The following RTKN2 variants were observed in gnomAD, a reference collection of about 807,000 sequenced individuals.
RTKN2 encodes the protein rhotekin-2.
Under a neutral mutation model 71.5 loss-of-function variants are expected in RTKN2, and 69 were observed. That is an observed-to-expected ratio of 0.96 (90% CI 0.79 to 1.18). The LOEUF (loss-of-function observed/expected upper bound fraction) is 1.18. Among genes scored for constraint, RTKN2 ranks in the 50% most tolerant of loss-of-function variants. The pLI is 0.00. For synonymous variants in RTKN2, 236 were observed against 236.5 expected (o/e 1.00, Z 0.02); for missense variants, 724 against 719.7 (o/e 1.01, Z -0.07).
intron 8 of RTKN2, among the ~76,000 whole-genome samples, chr10:62,217,900 C>A (rs984331620): frequency 6.6e-6 from 1 of 152,146 alleles, no homozygotes; most frequent in African/African-American, 2.4e-5. Flanking sequence ...GAGCAGCCCT[C>A]ATCAGTTTCC....
At chr10:62,204,765 T>C in intron 10 of RTKN2, 92 bp downstream of exon 10, 1 of 992,234 alleles carries the variant, frequency 1.0e-6, no homozygotes, top group Non-Finnish European at 1.4e-6. Flanking sequence ...AAATTTTTGC[T>C]ACAAACTCTA....
At chr10:62,212,531 T>C (rs538880506) in intron 9 of RTKN2, among the ~76,000 whole-genome samples, 9 of 151,958 alleles carry the variant, frequency 5.9e-5, no homozygotes, top group African/African-American at 2.2e-4. Context: ...GGTGAAACCC[T>C]GTCTCTACAA....
chr10:62,205,732 T>TA (rs1841536869), intron 9 of RTKN2, among the ~76,000 whole-genome samples: 1 of 152,202 alleles, frequency 6.6e-6, no homozygotes, highest in Non-Finnish European at 1.5e-5. Context: ...ACTAGAATGC[T>TA]ATTATGATGA....
intron 6 of RTKN2, among the ~76,000 whole-genome samples, chr10:62,228,187 G>A (rs1175715683): frequency 6.6e-6 from 1 of 152,130 alleles, no homozygotes; most frequent in Non-Finnish European, 1.5e-5. Flanking sequence ...TTAGTTAGGT[G>A]AAGTCCAAGG....
At chr10:62,190,829 T>C (rs1433125389), downstream of RTKN2, among the ~76,000 whole-genome samples, 2 of 152,172 alleles carry the variant, frequency 1.3e-5, no homozygotes, top group South Asian at 2.1e-4. Flanking sequence ...AGGTCCTTTA[T>C]GTGGTCCAGC....
chr10:62,205,131 T>A, intron 9 of RTKN2, 109 bp from the exon 10 acceptor site: 1 of 793,572 alleles, frequency 1.3e-6, no homozygotes, highest in South Asian at 1.9e-5. Context: ...AACCATAATC[T>A]TATTGCTGAT....
intron 2 of RTKN2, among the ~76,000 whole-genome samples, chr10:62,261,467 C>T (rs1300072831): frequency 6.6e-6 from 1 of 151,866 alleles, no homozygotes; most frequent in Non-Finnish European, 1.5e-5. Flanking sequence ...TGGTGAAACC[C>T]CATCTCTACT....
chr10:62,192,101 A>G (rs1257686612), downstream of RTKN2, among the ~76,000 whole-genome samples: 2 of 152,034 alleles, frequency 1.3e-5, no homozygotes, highest in Admixed American at 1.3e-4. Flanking sequence ...TTAAAAAAAA[A>G]AAGCCCCAAA....
Position 62,195,311 on chromosome 10 carries a change from T to C in RTKN2, c.*2597A>G. ...ACAAATTAAAAGGACAAACAAGGAA[T>C]GTGAAAGCTCATAAAAAGCTGAAGC... On this transcript the variant is annotated 3_prime_UTR_variant, in exon 12 of 12. Coordinates refer to ENST00000373789, the MANE Select transcript of RTKN2 (RefSeq NM_145307.4). 1.0e-6 allele frequency: 1 copy of C among 985,248 alleles called. No individual in the cohort carries two copies. The highest frequency in any genetic ancestry group is 4.7e-5 in the South Asian group (1 of 21,286). The allele number at this position is 985,248 out of a possible 1,614,324, so 61.0% of individuals were successfully genotyped here.
chr10:62,248,331 AT>A (rs1323107112), intron 2 of RTKN2, among the ~76,000 whole-genome samples: 2 of 152,146 alleles, frequency 1.3e-5, no homozygotes, highest in Admixed American at 1.3e-4. Context: ...CAAAACTGCT[AT>A]TTAGGGTACT....
At chr10:62,207,138 A>G (rs1841564580) in intron 9 of RTKN2, among the ~76,000 whole-genome samples, 1 of 152,112 alleles carries the variant, frequency 6.6e-6, no homozygotes, top group African/African-American at 2.4e-5. Context: ...TTCAATCTTT[A>G]AATAAGGGAA....
rs758924418 is a variant in RTKN2, at chr10:62,195,237, C to T, written c.*2671G>A. On this transcript the variant is annotated 3_prime_UTR_variant, in exon 12 of 12. Transcript: ENST00000373789. Reference sequence around the variant, plus strand: ...GTTTCCCCAATTATATTATCAAGAGCTGACAGCTAACTCTTTGTTTCAAGT... The same window carrying T: ...GTTTCCCCAATTATATTATCAAGAGTTGACAGCTAACTCTTTGTTTCAAGT... The T allele has an allele frequency of 2.8e-4, 278 of 979,862 alleles. 1 individual carries two copies. The Middle Eastern group carries it at 3.7e-3, about 13-fold the overall frequency. The allele number at this position is 979,862 out of a possible 1,614,324, so 60.7% of individuals were successfully genotyped here.
Position 62,262,703 on chromosome 10 carries a change from AC to A in RTKN2, c.178del (p.Val60CysfsTer6). 14 of 1,613,680 alleles carry A rather than the reference AC, an allele frequency of 8.7e-6. No homozygotes were observed. The highest frequency in any genetic ancestry group is 1.2e-5 in the Non-Finnish European group (14 of 1,179,634). On this transcript the variant is annotated frameshift_variant, in exon 2 of 12. Transcript: ENST00000373789. LOFTEE classifies it high-confidence loss of function. ...QVLHAVKNLMVCNARLMAYTS... is the reference protein window; with the variant it reads ...QVLHAVKNLMXCNARLMAYTS... Reference sequence around the variant, plus strand: ...ATAGGCCATTAGTCGAGCATTGCACACCATGAGATTCTTAACTGCATGTAAA... The same window carrying A: ...ATAGGCCATTAGTCGAGCATTGCACACATGAGATTCTTAACTGCATGTAAA...
At chr10:62,222,742 A>C (rs1217020012) in intron 7 of RTKN2, among the ~76,000 whole-genome samples, 2 of 152,116 alleles carry the variant, frequency 1.3e-5, no homozygotes, top group Non-Finnish European at 2.9e-5. Context: ...AATGACCTAA[A>C]CCCCTTCTTC....
intron 10 of RTKN2, among the ~76,000 whole-genome samples, chr10:62,203,034 C>T (rs1471458258): frequency 1.3e-5 from 2 of 152,086 alleles, no homozygotes; most frequent in African/African-American, 4.8e-5. Context: ...GTGGCACATG[C>T]CTGTAATCCC....
At chr10:62,230,745 G>C (rs1335957525) in intron 6 of RTKN2, among the ~76,000 whole-genome samples, 1 of 152,152 alleles carries the variant, frequency 6.6e-6, no homozygotes, top group Non-Finnish European at 1.5e-5. Flanking sequence ...ACTGGAAAGA[G>C]AGCCCCAGTG....
rs1267021790 is a variant in RTKN2 at position 62,245,839 on chromosome 10, T to C, written c.316+160A>G. On this transcript the variant is annotated intron_variant, in intron 3 of 11. Coordinates refer to ENST00000373789, the MANE Select transcript of RTKN2 (RefSeq NM_145307.4). Reference sequence around the variant, plus strand: ...CTTAAACTCTAAAGTTCTATATCAATGTAGCATATAATGCTAAAAACAGTG... The same window carrying C: ...CTTAAACTCTAAAGTTCTATATCAACGTAGCATATAATGCTAAAAACAGTG... Among the ~76,000 whole-genome samples, 5 of 152,098 alleles carry C rather than the reference T, an allele frequency of 3.3e-5. No individual in the cohort carries two copies. The East Asian group carries it at 9.6e-4, about 29-fold the overall frequency.
rs146106063 is a variant in RTKN2, at chr10:62,223,149, T to C, written c.781+89A>G. Reference sequence around the variant, plus strand: ...AACAGAATCACTCATGTCTCCATTATTTAAGCCGATATCCACTTGAGGGGA... The same window carrying C: ...AACAGAATCACTCATGTCTCCATTACTTAAGCCGATATCCACTTGAGGGGA... On this transcript the variant is annotated intron_variant, in intron 7 of 11. Coordinates refer to ENST00000373789, the MANE Select transcript of RTKN2 (RefSeq NM_145307.4). 9.3e-4 allele frequency: 640 copies of C among 689,386 alleles called. 5 individuals carry two copies. In the African/African-American group the frequency reaches 0.01, roughly 11 times the overall value. 42.7% of individuals were successfully genotyped at this position (689,386 alleles called of 1,614,324 possible).
In RTKN2 at chr10:62,195,743, A is replaced by G; in HGVS notation, c.*2165T>C. 1.0e-6 allele frequency: 1 copy of G among 985,400 alleles called. No individual in the cohort carries two copies. 61.0% of individuals were successfully genotyped at this position (985,400 alleles called of 1,614,324 possible). A position where few individuals can be genotyped will look rare whatever the true frequency, so the allele number is the denominator to read the frequency against. ...TAGCATTTCAGGAGCTGAAGACACC[A>G]GACCCATTTCAAAGACTTGTAACAT... On this transcript the variant is annotated 3_prime_UTR_variant, in exon 12 of 12. Transcript: ENST00000373789.
Sources: allele counts gnomAD v4.1 joint callset (sites outside exome capture counted in the v4.1 genomes callset), GRCh38; gene constraint gnomAD v4.1.1; transcripts MANE v1.5; gene names NCBI Gene and HGNC (gene_info 2026-07-23, HGNC 2026-07-21).